Variants in POLD3 observed in about 807,000 individuals in gnomAD.
POLD3 encodes DNA polymerase delta subunit 3.
A neutral mutation model predicts 58.2 loss-of-function variants in POLD3; 19 were observed. The observed-to-expected ratio is 0.33, with a 90% CI of 0.23 to 0.48. The LOEUF is 0.48. POLD3 is among the 20% of genes least tolerant of loss of function. POLD3 has a pLI of 0.99. For synonymous variants in POLD3, 172 were observed against 193.5 expected (o/e 0.89, Z 0.92); for missense variants, 504 against 545.5 (o/e 0.92, Z 0.76).
At chr11:74,611,642 AACTG>A in intron 4 of POLD3, 104 bp downstream of exon 4, 3 of 668,394 alleles carry the variant, frequency 4.5e-6, no homozygotes, top group Non-Finnish European at 7.9e-6. Context: ...TTAGCTATTT[AACTG>A]AATAGCCCAA....
intron 4 of POLD3, among the ~76,000 whole-genome samples, chr11:74,661,938 GC>G (rs2033211583): frequency 6.6e-6 from 1 of 152,164 alleles, no homozygotes; most frequent in South Asian, 2.1e-4. Context: ...CTTTCCACAG[GC>G]CGAGGAGCCT....
At chr11:74,603,046 G>C (rs2031556000) in intron 2 of POLD3, among the ~76,000 whole-genome samples, 1 of 152,136 alleles carries the variant, frequency 6.6e-6, no homozygotes, top group Admixed American at 6.5e-5. Context: ...TAGACTTACT[G>C]TCATCTGAGA....
rs139740047 is a variant in POLD3, at chr11:74,643,006, G to A, written c.*2240G>A. ...TCACTTGCTAGCTGTATGACTGTGG[G>A]CAAGTTTCACAGCCTCAAGTTCTTT... On this transcript the variant is annotated 3_prime_UTR_variant, in exon 12 of 12. Coordinates refer to ENST00000263681, the MANE Select transcript of POLD3 (RefSeq NM_006591.3). 5.8e-4 allele frequency: 504 copies of A among 863,556 alleles called. 2 individuals carry two copies. In the African/African-American group the frequency reaches 7.5e-3, roughly 13 times the overall value. 53.5% of individuals were successfully genotyped at this position (863,556 alleles called of 1,614,324 possible).
chr11:74,607,782 C>T (rs1490296755), intron 3 of POLD3, among the ~76,000 whole-genome samples: 1 of 151,774 alleles, frequency 6.6e-6, no homozygotes, highest in Non-Finnish European at 1.5e-5. Flanking sequence ...GGGTTTTGTC[C>T]TGTTGCCCAG....
At chr11:74,597,697 G>A (rs2031326925) in intron 2 of POLD3, among the ~76,000 whole-genome samples, 1 of 152,198 alleles carries the variant, frequency 6.6e-6, no homozygotes, top group South Asian at 2.1e-4. Flanking sequence ...CCAGGCTGAA[G>A]CCATCCTCCT....
intron 4 of POLD3, chr11:74,653,036 A>G (rs556685074): frequency 4.6e-5 from 7 of 152,794 alleles, no homozygotes; most frequent in African/African-American, 1.4e-4. Context: ...CATGTGCTTT[A>G]TCTTTGGGAT....
At chr11:74,653,487 CTG>C (rs1485845298) in intron 4 of POLD3, among the ~76,000 whole-genome samples, 1 of 152,146 alleles carries the variant, frequency 6.6e-6, no homozygotes, top group Non-Finnish European at 1.5e-5. Context: ...AACAACTTAA[CTG>C]TTTTAAGTTA....
intron 1 of POLD3, chr11:74,593,138 T>A: frequency 1.5e-6 from 1 of 673,814 alleles, no homozygotes; most frequent in Non-Finnish European, 1.9e-6. Context: ...TTCCTCTTCC[T>A]GGAAATTTAA....
intron 4 of POLD3, among the ~76,000 whole-genome samples, chr11:74,649,418 T>C (rs947723243): frequency 6.6e-6 from 1 of 152,148 alleles, no homozygotes; most frequent in South Asian, 2.1e-4. Flanking sequence ...TCATCCATTC[T>C]TAGTGTAAGT....
chr11:74,640,536 A>G (rs2032882185), intron 11 of POLD3, 28 bp from the exon 12 acceptor site: 3 of 1,482,312 alleles, frequency 2.0e-6, no homozygotes, highest in South Asian at 1.5e-5. Flanking sequence ...CAGCCCACCC[A>G]TGTTCCATTT....
At chr11:74,636,330 G>A in intron 11 of POLD3, 55 bp downstream of exon 11, 1 of 1,573,248 alleles carries the variant, frequency 6.4e-7, no homozygotes, top group Non-Finnish European at 8.7e-7. Flanking sequence ...TTACCACAGA[G>A]GCACCATAAT....
chr11:74,620,121 G>T, intron 7 of POLD3, 32 bp downstream of exon 7: 1 of 1,476,384 alleles, frequency 6.8e-7, no homozygotes, highest in South Asian at 1.1e-5. Flanking sequence ...TTTGACTAAC[G>T]AATGAATGTT....
rs770501935 is a variant in POLD3 at position 74,640,707 on chromosome 11, G to C, written c.1342G>C (p.Ala448Pro). The change falls in exon 12 of 12, where the codon GCT (alanine) becomes CCT (proline). Residue 448 changes from alanine (A) to proline (P), a missense_variant. Physicochemically the swap from Ala to Pro is conservative, Grantham distance 27 (BLOSUM62 -1). Transcript: ENST00000263681. ...ACGAAAGGGCCCCAAGAAAGGGACT[G>C]CTGCTCTGGGCAAAGCCAACAGACA... Reference protein sequence around the residue: ...EERKGPKKGTAALGKANRQVS... With the variant: ...EERKGPKKGTPALGKANRQVS... 3 of 1,612,034 alleles carry C rather than the reference G, an allele frequency of 1.9e-6. No homozygotes were observed. Among genetic ancestry groups the C allele is most frequent in the Non-Finnish European group, 8.5e-7 (1 of 1,179,228 alleles).
At chr11:74,599,072 A>T (rs911026340) in intron 2 of POLD3, among the ~76,000 whole-genome samples, 2 of 152,334 alleles carry the variant, frequency 1.3e-5, no homozygotes, top group South Asian at 4.1e-4. Context: ...TCACTGTATC[A>T]CCCAGGCTGG....
intron 4 of POLD3, among the ~76,000 whole-genome samples, chr11:74,659,966 A>G (rs1325095675): frequency 1.3e-5 from 2 of 152,090 alleles, no homozygotes; most frequent in African/African-American, 4.8e-5. Context: ...ACTGGTACCA[A>G]TTTACTATAT....
At chr11:74,610,865 C>G (rs1046600090) in intron 3 of POLD3, among the ~76,000 whole-genome samples, 1 of 152,092 alleles carries the variant, frequency 6.6e-6, no homozygotes, top group Non-Finnish European at 1.5e-5. Flanking sequence ...ACCTCCGCCT[C>G]CCAGGTTCAA....
chr11:74,612,861 T>C lies in POLD3; in HGVS notation c.260-17T>C. The C allele has an allele frequency of 6.2e-7, 1 of 1,601,352 alleles. No homozygotes were observed. Among genetic ancestry groups the C allele is most frequent in the South Asian group, 1.1e-5 (1 of 88,712 alleles). ...AAGTTTGTGTATTAACTGACTGCTT[T>C]TCCTGTTGACTTGTAGCAGTGAAGT... On this transcript the variant is annotated splice_polypyrimidine_tract_variant and intron_variant, in intron 4 of 11. Coordinates refer to ENST00000263681, the MANE Select transcript of POLD3 (RefSeq NM_006591.3).
intron 9 of POLD3, among the ~76,000 whole-genome samples, chr11:74,633,916 C>A (rs760582903): frequency 6.6e-6 from 1 of 152,220 alleles, no homozygotes; most frequent in East Asian, 1.9e-4. Context: ...ACTTCACCCA[C>A]CTCCAAGTTT....
intron 4 of POLD3, among the ~76,000 whole-genome samples, chr11:74,666,131 A>G (rs938837324): frequency 2.0e-5 from 3 of 152,256 alleles, no homozygotes; most frequent in African/African-American, 4.8e-5. Flanking sequence ...ATGAAATTAG[A>G]AAACAATTGC....
Sources: allele counts gnomAD v4.1 joint callset (sites outside exome capture counted in the v4.1 genomes callset), GRCh38; gene constraint gnomAD v4.1.1; transcripts MANE v1.5; gene names NCBI Gene and HGNC (gene_info 2026-07-23, HGNC 2026-07-21).